Variants in DNAH9 observed in about 807,000 individuals in gnomAD.
The protein encoded by DNAH9 is DNAH9 variant protein.
Under a neutral mutation model 471.6 loss-of-function variants are expected in DNAH9, and 345 were observed. That is an observed-to-expected ratio of 0.73 (90% confidence interval 0.67 to 0.80). The LOEUF (loss-of-function observed/expected upper bound fraction) is 0.80, where lower values mean the gene tolerates loss of function less well. Ranked by LOEUF, DNAH9 falls within the 30% of genes least tolerant of loss-of-function variation. The probability of loss-of-function intolerance (pLI) is 0.00; values close to 1 mark genes in which losing one functional copy is unlikely to be tolerated. For missense variants in DNAH9, 5,407 were observed against 5,609.2 expected (o/e 0.96, Z 1.15); for synonymous variants, 2,093 against 2,123.6 (o/e 0.99, Z 0.40).
chr17:11,933,332 T>G (rs551228992), intron 64 of DNAH9, among the ~76,000 whole-genome samples: 2 of 152,236 alleles, frequency 1.3e-5, no homozygotes, highest in African/African-American at 4.8e-5. Context: ...GGCGTGGGGT[T>G]GGCAACTTTC....
In DNAH9 at chr17:11,611,703, G is replaced by A; in HGVS notation, c.827G>A (p.Gly276Asp). 6.2e-7 allele frequency: 1 copy of A among 1,613,726 alleles called. No individual in the cohort carries two copies. The highest frequency in any genetic ancestry group is 8.5e-7 in the Non-Finnish European group (1 of 1,179,586). The change falls in exon 4 of 69, where the codon GGC becomes GAC. Residue 276 changes from glycine to aspartate, a missense_variant. Gly to Asp is a moderately conservative substitution (Grantham distance 94, BLOSUM62 -1). This residue lies in a region of DNAH9 where 767 missense variants were observed against 692.5 expected (regional missense o/e 1.11). Transcript: ENST00000262442. ...CAACTGAGAACAATAACGGTGAGGG[G>A]CATGGCCAAGCTCCTGGACAAGCTT... ...YNQLRTITVR[G>D]MAKLLDKLQS...
At chr17:11,875,265 G>T in intron 53 of DNAH9, 81 bp downstream of exon 53, 1 of 1,021,466 alleles carries the variant, frequency 9.8e-7, no homozygotes, top group South Asian at 1.5e-5. Context: ...TTTAAGCCCA[G>T]TGAATGGTTT....
intron 27 of DNAH9, among the ~76,000 whole-genome samples, chr17:11,727,357 A>G (rs2075172783): frequency 6.6e-6 from 1 of 152,060 alleles, no homozygotes; most frequent in Non-Finnish European, 1.5e-5. Context: ...TGTTTTTTTA[A>G]CAGATGTTAT....
intron 63 of DNAH9, among the ~76,000 whole-genome samples, chr17:11,931,450 C>T (rs1205384700): frequency 6.6e-6 from 1 of 152,180 alleles, no homozygotes; most frequent in East Asian, 1.9e-4. Flanking sequence ...CAGTCAGAGT[C>T]TCAGAAGATT....
At chr17:11,929,297 G>A (rs1331650903) in intron 62 of DNAH9, among the ~76,000 whole-genome samples, 2 of 152,060 alleles carry the variant, frequency 1.3e-5, no homozygotes, top group East Asian at 3.9e-4. Context: ...GCCTCCCAAA[G>A]TGCTGGGATT....
chr17:11,636,038 G>A (rs566046339), intron 8 of DNAH9, among the ~76,000 whole-genome samples: 6 of 151,198 alleles, frequency 4.0e-5, no homozygotes, highest in African/African-American at 9.7e-5. Flanking sequence ...TCACTCTGTC[G>A]CCCAGGCTGG....
chr17:11,854,462 C>A, intron 50 of DNAH9, 34 bp downstream of exon 50: 2 of 1,578,520 alleles, frequency 1.3e-6, no homozygotes, highest in South Asian at 1.2e-5. Context: ...CCCTGCTAGT[C>A]CGCCTCCAAT....
At chr17:11,867,940 C>T (rs1972117810) in intron 50 of DNAH9, among the ~76,000 whole-genome samples, 1 of 152,200 alleles carries the variant, frequency 6.6e-6, no homozygotes, top group African/African-American at 2.4e-5. Context: ...CCTTCAATCA[C>T]ACCTGACATT....
At chr17:11,756,734 C>T (rs1183013406) in intron 34 of DNAH9, 58 bp downstream of exon 34, 1 of 1,083,856 alleles carries the variant, frequency 9.2e-7, no homozygotes, top group African/African-American at 1.6e-5. Context: ...GTACCTCTGG[C>T]TTCACACGTA....
intron 48 of DNAH9, among the ~76,000 whole-genome samples, chr17:11,828,216 G>C (rs1440565853): frequency 6.6e-6 from 1 of 152,068 alleles, no homozygotes; most frequent in Non-Finnish European, 1.5e-5. Flanking sequence ...GCTCACACCT[G>C]TAATCCCAGC....
At chr17:11,813,314 C>T (rs1969988224) in intron 45 of DNAH9, among the ~76,000 whole-genome samples, 1 of 151,978 alleles carries the variant, frequency 6.6e-6, no homozygotes, top group Non-Finnish European at 1.5e-5. Context: ...TGTCTTCTAA[C>T]CCACCCCCTT....
At chr17:11,852,745 GAAGT>G in intron 49 of DNAH9, among the ~76,000 whole-genome samples, 1 of 148,886 alleles carries the variant, frequency 6.7e-6, no homozygotes, top group Non-Finnish European at 1.5e-5. Context: ...GAGAGAAAGA[GAAGT>G]GCATAGAAGT....
rs1204878749 is a variant in DNAH9, at chr17:11,749,069, TTTTTGTTTTTTTTTTTG to T, written c.6610+1308_6610+1324del. ...TCTTACCAATTTTTAAGAGGGTTTTTTTTTGTTTTTTTTTTTGTTTTTTTTTTTTTTTTGAGACAGAG... is the reference window on the plus strand; with the variant it reads ...TCTTACCAATTTTTAAGAGGGTTTTTTTTTTTTTTTTTTTTTGAGACAGAG... On this transcript the variant is annotated intron_variant, in intron 32 of 68. Transcript: ENST00000262442. 4.6e-3 allele frequency among the ~76,000 whole-genome samples: 114 copies of T among 24,750 alleles called. 13 individuals are homozygous for T. Among genetic ancestry groups the T allele is most frequent in the East Asian group, 0.018 (5 of 274 alleles). The allele number at this position is 24,750 out of a possible 152,430, so 16.2% of individuals were successfully genotyped here. A position where few individuals can be genotyped will look rare whatever the true frequency, so the allele number is the denominator to read the frequency against.
chr17:11,708,367 C>T lies in DNAH9; in HGVS notation c.5552+3182C>T. On this transcript the variant is annotated intron_variant, in intron 26 of 68. Coordinates refer to ENST00000262442, the MANE Select transcript of DNAH9 (RefSeq NM_001372.4). ...CTGTGTGTCTGTCTGTGTCTTGGCT[C>T]CCAGTGAAGAAGAAACAGCTACTCT... Among the ~76,000 whole-genome samples the T allele has an allele frequency of 1.3e-5, 2 of 152,134 alleles. 1 individual carries two copies. Among genetic ancestry groups the T allele is most frequent in the African/African-American group, 4.8e-5 (2 of 41,412 alleles).
rs1255860476 is a variant in DNAH9, at chr17:11,763,441, T to C, written c.6997T>C (p.Phe2333Leu). The change falls in exon 36 of 69, where the codon TTT becomes CTT. Residue 2333 changes from phenylalanine (F) to leucine (L), a missense_variant and splice_region_variant. By Grantham distance (22) the Phe-to-Leu change is conservative (BLOSUM62 0). This residue lies in a region of DNAH9 where 4,636 missense variants were observed against 4,900.3 expected (regional missense o/e 0.95). Coordinates refer to ENST00000262442, the MANE Select transcript of DNAH9 (RefSeq NM_001372.4). Reference protein sequence around the residue: ...PTCLDTLRTRFKKIIPIPEQS... With the variant: ...PTCLDTLRTRLKKIIPIPEQS... ...ATCCCCTCGGGTCTCTCTTTGCAGG[T>C]TTAAGAAGATCATTCCCATCCCAGA... is the stretch of plus-strand genomic sequence containing the variant. 1 of 1,613,778 alleles carries C rather than the reference T, an allele frequency of 6.2e-7. No individual in the cohort carries two copies. The highest frequency in any genetic ancestry group is 8.5e-7 in the Non-Finnish European group (1 of 1,179,822).
Position 11,757,671 on chromosome 17 carries a change from G to T in DNAH9, c.6974G>T (p.Cys2325Phe). The change falls in exon 35 of 69, where the codon TGC (cysteine) becomes TTC (phenylalanine). Residue 2325 changes from cysteine (C) to phenylalanine (F), a missense_variant. This residue lies in a region of DNAH9 where 4,636 missense variants were observed against 4,900.3 expected (regional missense o/e 0.95). Transcript: ENST00000262442. ...TILFDKYLPT[C>F]LDTLRTRFKK... Reference sequence around the variant, plus strand: ...TTGTTCGACAAGTATCTTCCAACCTGCCTAGACACACTCAGAACCAGGTAG... The same window carrying T: ...TTGTTCGACAAGTATCTTCCAACCTTCCTAGACACACTCAGAACCAGGTAG... 1 of 1,613,976 alleles carries T rather than the reference G, an allele frequency of 6.2e-7. No individual in the cohort carries two copies. Among genetic ancestry groups the T allele is most frequent in the Non-Finnish European group, 8.5e-7 (1 of 1,180,032 alleles).
chr17:11,827,481 C>A (rs1261766688), intron 48 of DNAH9, among the ~76,000 whole-genome samples: 1 of 152,064 alleles, frequency 6.6e-6, no homozygotes, highest in Non-Finnish European at 1.5e-5. Flanking sequence ...TAAATGACCA[C>A]GTCTCACAAG....
chr17:11,795,000 C>T (rs143867633), intron 42 of DNAH9, among the ~76,000 whole-genome samples: 8 of 151,936 alleles, frequency 5.3e-5, no homozygotes, highest in Admixed American at 2.0e-4. Context: ...GTGCAGCACA[C>T]CAACATGGCA....
At chr17:11,891,394 A>C (rs1973044314) in intron 57 of DNAH9, among the ~76,000 whole-genome samples, 1 of 152,022 alleles carries the variant, frequency 6.6e-6, no homozygotes, top group Non-Finnish European at 1.5e-5. Flanking sequence ...TTGAGACAGA[A>C]CCACTCTGTC....
Sources: gnomAD v4.1 joint callset for allele counts (sites outside exome capture counted in the v4.1 genomes callset) on GRCh38, gnomAD v4.1.1 for gene constraint, gnomAD v4.1.1 regional missense constraint, MANE v1.5 for transcripts, NCBI Gene and HGNC (gene_info 2026-07-23, HGNC 2026-07-21) for gene names.